MCC: variants seen among roughly 807,000 people sequenced by gnomAD.
MCC encodes the protein MCC regulator of Wnt signaling pathway, also known as colorectal mutant cancer protein.
MCC carries 90 observed loss-of-function variants against 116.2 expected under a neutral mutation model. The ratio of observed to expected loss-of-function variants is 0.77; its 90% confidence interval spans 0.65 to 0.92. The LOEUF (loss-of-function observed/expected upper bound fraction) is 0.92. Among genes scored for constraint, MCC ranks in the 40% least tolerant of loss-of-function variants. MCC has a pLI of 0.00. For synonymous variants in MCC, 578 were observed against 510.5 expected, an observed-to-expected ratio of 1.13 and a Z score of -1.78; for missense variants, 1,516 against 1,312.2, an observed-to-expected ratio of 1.16 and a Z score of -2.40.
chr5:113,384,312 G>C (rs1261598958), intron 2 of MCC, among the ~76,000 whole-genome samples: 1 of 152,222 alleles, frequency 6.6e-6, no homozygotes, highest in Non-Finnish European at 1.5e-5. Context: ...TTTTAGGCCA[G>C]GCGCAGCGGC....
At position 113,136,653 on chromosome 5, in the gene MCC, T is replaced by C. The variant is rs137885845; in HGVS notation, c.884+6565A>G. Among the ~76,000 whole-genome samples the C allele has an allele frequency of 8.5e-5, 13 of 152,332 alleles. 1 individual carries two copies. In the East Asian group the frequency reaches 1.9e-3, roughly 23 times the overall value. On this transcript the variant is annotated intron_variant, in intron 5 of 18. Transcript: ENST00000408903. Reference sequence around the variant, plus strand: ...GACTTATTTGATTCTCTGATTGTTATTGGTGCATAGAGATGCTAAAATGAT... The same window carrying C: ...GACTTATTTGATTCTCTGATTGTTACTGGTGCATAGAGATGCTAAAATGAT...
chr5:113,137,273 G>A (rs901178369), intron 5 of MCC, among the ~76,000 whole-genome samples: 2 of 152,104 alleles, frequency 1.3e-5, no homozygotes, highest in Non-Finnish European at 2.9e-5. Flanking sequence ...GCTATCATAA[G>A]AATAGAATGG....
chr5:113,459,411 G>A (rs1028878611), intron 1 of MCC, among the ~76,000 whole-genome samples: 1 of 151,878 alleles, frequency 6.6e-6, no homozygotes, highest in Non-Finnish European at 1.5e-5. Flanking sequence ...GGTTGTGGGT[G>A]CCTGTAGTCC....
At chr5:113,387,723 TA>T (rs1444851010) in intron 1 of MCC, among the ~76,000 whole-genome samples, 2 of 152,210 alleles carry the variant, frequency 1.3e-5, no homozygotes, top group Non-Finnish European at 2.9e-5. Flanking sequence ...ATTGTAGGTT[TA>T]AAATGGGGAT....
rs550014563 is a variant in MCC at position 113,294,612 on chromosome 5, G to A, written c.627+45907C>T. 6.5e-5 allele frequency: 76 copies of A among 1,167,186 alleles called. No homozygotes were observed. In the South Asian group the frequency reaches 2.8e-3, roughly 42 times the overall value. The allele number at this position is 1,167,186 out of a possible 1,614,324, so 72.3% of individuals were successfully genotyped here. A position where few individuals can be genotyped will look rare whatever the true frequency, so the allele number is the denominator to read the frequency against. On this transcript the variant is annotated intron_variant, in intron 3 of 18. Coordinates refer to ENST00000408903, the MANE Select transcript of MCC (RefSeq NM_001085377.2). ...GAGCCATTGCTGCAGGAGGCTCGGT[G>A]GCGCGGCGCGCTCGCAGCTGCGGCA...
chr5:113,357,896 C>A (rs745554444), intron 2 of MCC, among the ~76,000 whole-genome samples: 9 of 152,194 alleles, frequency 5.9e-5, no homozygotes, highest in Non-Finnish European at 1.2e-4. Context: ...GGTCAAACTG[C>A]ACACTTGAAT....
At chr5:113,269,010 A>G (rs1765516314) in intron 3 of MCC, among the ~76,000 whole-genome samples, 1 of 152,206 alleles carries the variant, frequency 6.6e-6, no homozygotes, top group African/African-American at 2.4e-5. Context: ...GTATCAAAGG[A>G]ACAAAAGAAG....
At chr5:113,165,736 G>A (rs533684626) in intron 3 of MCC, among the ~76,000 whole-genome samples, 6 of 152,214 alleles carry the variant, frequency 3.9e-5, no homozygotes, top group South Asian at 4.2e-4. Flanking sequence ...CAATGGCACC[G>A]TCTTCCAACC....
At chr5:113,147,847 T>A (rs1199658350) in intron 4 of MCC, among the ~76,000 whole-genome samples, 1 of 152,116 alleles carries the variant, frequency 6.6e-6, no homozygotes, top group Admixed American at 6.5e-5. Flanking sequence ...CGACTACATC[T>A]CAGAAAAGTT....
chr5:113,251,122 G>C (rs538449954), intron 3 of MCC, among the ~76,000 whole-genome samples: 2 of 152,284 alleles, frequency 1.3e-5, no homozygotes, highest in African/African-American at 4.8e-5. Flanking sequence ...GGAAAATAAA[G>C]TCACCCAGTC....
intron 3 of MCC, among the ~76,000 whole-genome samples, chr5:113,335,517 A>G (rs929858014): frequency 6.6e-6 from 1 of 151,766 alleles, no homozygotes; most frequent in African/African-American, 2.4e-5. Flanking sequence ...TTTATGTTTT[A>G]GAATACTTAC....
intron 1 of MCC, among the ~76,000 whole-genome samples, chr5:113,463,190 G>A (rs1261637285): frequency 6.6e-6 from 1 of 152,148 alleles, no homozygotes; most frequent in Non-Finnish European, 1.5e-5. Context: ...GCCTAGAGGA[G>A]AGAGGGCAAG....
chr5:113,443,028 C>T (rs1430098882), intron 1 of MCC, among the ~76,000 whole-genome samples: 2 of 152,104 alleles, frequency 1.3e-5, no homozygotes, highest in Non-Finnish European at 2.9e-5. Context: ...TTTTCCAATT[C>T]TGTGAAGAAA....
At chr5:113,325,043 T>C (rs930765385) in intron 3 of MCC, among the ~76,000 whole-genome samples, 1 of 152,066 alleles carries the variant, frequency 6.6e-6, no homozygotes, top group African/African-American at 2.4e-5. Context: ...TCTCACTATG[T>C]TGCCCAGGCT....
intron 3 of MCC, among the ~76,000 whole-genome samples, chr5:113,223,836 G>A (rs1236126180): frequency 6.6e-6 from 1 of 152,008 alleles, no homozygotes; most frequent in Non-Finnish European, 1.5e-5. Context: ...CAACAAATAA[G>A]TACTTCATTT....
At chr5:113,251,812 T>C (rs1376904599) in intron 3 of MCC, among the ~76,000 whole-genome samples, 1 of 152,148 alleles carries the variant, frequency 6.6e-6, no homozygotes, top group Non-Finnish European at 1.5e-5. Flanking sequence ...CTCTCCTCTA[T>C]AGGAAGTGGG....
At chr5:113,186,929 G>A (rs1196598835) in intron 3 of MCC, among the ~76,000 whole-genome samples, 2 of 152,062 alleles carry the variant, frequency 1.3e-5, no homozygotes, top group Non-Finnish European at 2.9e-5. Context: ...TAGAGCCCAG[G>A]GATACTGCTA....
chr5:113,108,763 A>G (rs914800786), intron 6 of MCC, among the ~76,000 whole-genome samples: 1 of 152,162 alleles, frequency 6.6e-6, no homozygotes, highest in African/African-American at 2.4e-5. Flanking sequence ...TCTGAAGAAT[A>G]TCTACCCTTC....
At chr5:113,391,163 G>A (rs989728290) in intron 1 of MCC, among the ~76,000 whole-genome samples, 1 of 152,052 alleles carries the variant, frequency 6.6e-6, no homozygotes, top group Non-Finnish European at 1.5e-5. Flanking sequence ...GAAAAAAGGA[G>A]AAGAAGTTAT....
Sources: gnomAD v4.1 joint callset for allele counts (sites outside exome capture counted in the v4.1 genomes callset) on GRCh38, gnomAD v4.1.1 for gene constraint, MANE v1.5 for transcripts, NCBI Gene and HGNC (gene_info 2026-07-23, HGNC 2026-07-21) for gene names.